BACH2: variants seen among roughly 807,000 people sequenced by gnomAD.
BACH2 encodes BACH transcriptional regulator 2, also known as transcription regulator protein BACH2.
Under a neutral mutation model 61.8 loss-of-function variants are expected in BACH2, and 5 were observed. That is an observed-to-expected ratio of 0.08 (90% CI 0.04 to 0.17). BACH2 has a LOEUF of 0.17. BACH2 is among the 10% of genes least tolerant of loss of function. BACH2 has a pLI of 1.00. For missense variants in BACH2, 824 were observed against 1,091.1 expected, an observed-to-expected ratio of 0.76 and a Z score of 3.45; for synonymous variants, 446 against 440.1, an observed-to-expected ratio of 1.01 and a Z score of -0.17.
At chr6:90,144,744 A>G (rs1784562892) in intron 4 of BACH2, among the ~76,000 whole-genome samples, 1 of 152,096 alleles carries the variant, frequency 6.6e-6, no homozygotes, top group South Asian at 2.1e-4. Context: ...TTCCTGACAC[A>G]CTCCATTTGG....
At chr6:90,118,383 GA>G (rs911984718) in intron 4 of BACH2, among the ~76,000 whole-genome samples, 11 of 152,116 alleles carry the variant, frequency 7.2e-5, no homozygotes, top group African/African-American at 2.7e-4. Context: ...TGCAAGTTAG[GA>G]AAAAAAGTTG....
intron 4 of BACH2, among the ~76,000 whole-genome samples, chr6:90,158,771 G>GT (rs1310895208): frequency 6.7e-6 from 1 of 149,536 alleles, no homozygotes. Flanking sequence ...TTGGTGGGGG[G>GT]GGGGCACTTA....
intron 6 of BACH2, among the ~76,000 whole-genome samples, chr6:90,002,236 C>T (rs1205531078): frequency 6.6e-6 from 1 of 152,240 alleles, no homozygotes; most frequent in African/African-American, 2.4e-5. Context: ...TCCTCTTCAT[C>T]TCCCTGACCT....
At chr6:89,946,243 C>T (rs1023097666) in intron 7 of BACH2, among the ~76,000 whole-genome samples, 1 of 152,062 alleles carries the variant, frequency 6.6e-6, no homozygotes, top group African/African-American at 2.4e-5. Context: ...ATGTTCAATA[C>T]ACATAAAACA....
chr6:89,948,882 TTTAAA>T (rs1773905683), intron 7 of BACH2, among the ~76,000 whole-genome samples: 1 of 152,168 alleles, frequency 6.6e-6, no homozygotes, highest in African/African-American at 2.4e-5. Context: ...TCTAATTTAT[TTTAAA>T]TTAAATCCTT....
At position 89,993,201 on chromosome 6, in the gene BACH2, T is replaced by A. The variant is rs141317386; in HGVS notation, c.243+15401A>T. ...CCACCCAGCCTGTGGTATTTTGCTA[T>A]GGCAGCCTGAGTGAACTAATAATAT... is the stretch of plus-strand genomic sequence containing the variant. On this transcript the variant is annotated intron_variant, in intron 6 of 8. Coordinates refer to ENST00000257749, the MANE Select transcript of BACH2 (RefSeq NM_021813.4). 2.6e-3 allele frequency among the ~76,000 whole-genome samples: 391 copies of A among 152,308 alleles called. 3 individuals carry two copies. The highest frequency in any genetic ancestry group is 8.6e-3 in the African/African-American group (359 of 41,576).
At chr6:90,206,285 T>C (rs1769141852) in intron 4 of BACH2, among the ~76,000 whole-genome samples, 1 of 151,588 alleles carries the variant, frequency 6.6e-6, no homozygotes, top group African/African-American at 2.4e-5. Context: ...AGCCCCAGAG[T>C]CTCAATATTC....
chr6:89,970,844 C>T (rs999569357), intron 6 of BACH2, among the ~76,000 whole-genome samples: 1 of 152,104 alleles, frequency 6.6e-6, no homozygotes, highest in Non-Finnish European at 1.5e-5. Context: ...CACAAGAACA[C>T]AAGATATTTC....
chr6:90,052,355 C>T (rs912965347), intron 5 of BACH2, among the ~76,000 whole-genome samples: 2 of 151,888 alleles, frequency 1.3e-5, no homozygotes, highest in Admixed American at 6.6e-5. Flanking sequence ...TGAATTAAAA[C>T]CTTATCAATA....
chr6:90,156,700 T>A (rs1785006041), intron 4 of BACH2, among the ~76,000 whole-genome samples: 1 of 152,048 alleles, frequency 6.6e-6, no homozygotes, highest in Non-Finnish European at 1.5e-5. Context: ...GGTGGAGGAC[T>A]ATGAAAAAGA....
chr6:90,089,170 CT>C (rs1487752186), intron 4 of BACH2, 61 bp from the exon 5 acceptor site: 1 of 152,146 alleles, frequency 6.6e-6, no homozygotes, highest in Non-Finnish European at 1.5e-5. Context: ...ATGTTTCCCC[CT>C]CTCTCCTGCT....
At chr6:90,194,357 AATG>A (rs1206973978) in intron 4 of BACH2, among the ~76,000 whole-genome samples, 1 of 152,192 alleles carries the variant, frequency 6.6e-6, no homozygotes, top group Non-Finnish European at 1.5e-5. Context: ...GAAAAAATGA[AATG>A]ATAACTATCT....
intron 5 of BACH2, among the ~76,000 whole-genome samples, chr6:90,011,579 G>A (rs568343866): frequency 1.3e-5 from 2 of 152,286 alleles, no homozygotes; most frequent in Middle Eastern, 3.4e-3. Flanking sequence ...GGAGTGCAGT[G>A]GCATGGCCAT....
At chr6:90,295,440 G>T (rs539013781) in intron 1 of BACH2, among the ~76,000 whole-genome samples, 1 of 152,238 alleles carries the variant, frequency 6.6e-6, no homozygotes, top group African/African-American at 2.4e-5. Flanking sequence ...TCGCCGAGAT[G>T]CTCGCTCCAG....
chr6:90,084,901 T>A, intron 5 of BACH2, among the ~76,000 whole-genome samples: 1 of 152,074 alleles, frequency 6.6e-6, no homozygotes, highest in East Asian at 1.9e-4. Flanking sequence ...TCTTCAGGAA[T>A]TCTAACCCCT....
At chr6:90,048,130 T>TA (rs1436993415) in intron 5 of BACH2, among the ~76,000 whole-genome samples, 6 of 152,220 alleles carry the variant, frequency 3.9e-5, no homozygotes, top group African/African-American at 1.4e-4. Context: ...TCTATTTTTT[T>TA]TTTATTTATA....
At chr6:90,148,320 G>A (rs1347951336) in intron 4 of BACH2, among the ~76,000 whole-genome samples, 2 of 152,200 alleles carry the variant, frequency 1.3e-5, no homozygotes, top group African/African-American at 4.8e-5. Flanking sequence ...GCCCAGAGGG[G>A]AGGAAATGAA....
At chr6:90,041,648 A>G (rs1333913152) in intron 5 of BACH2, among the ~76,000 whole-genome samples, 1 of 152,080 alleles carries the variant, frequency 6.6e-6, no homozygotes, top group Admixed American at 6.5e-5. Context: ...ACTAAATTAT[A>G]TTTTCTTAGA....
At chr6:90,041,439 GATCT>G (rs1779527824) in intron 5 of BACH2, among the ~76,000 whole-genome samples, 1 of 151,976 alleles carries the variant, frequency 6.6e-6, no homozygotes, top group East Asian at 1.9e-4. Context: ...GTTCCTTAAA[GATCT>G]ATTAATATGA....
Sources: allele counts gnomAD v4.1 joint callset (sites outside exome capture counted in the v4.1 genomes callset), GRCh38; gene constraint gnomAD v4.1.1; transcripts MANE v1.5; gene names NCBI Gene and HGNC (gene_info 2026-07-23, HGNC 2026-07-21).